KCNB2: variants seen among roughly 807,000 people sequenced by gnomAD.
KCNB2 encodes the protein delayed rectifier potassium channel protein.
In KCNB2, 15 loss-of-function variants were observed where a neutral mutation model predicts 61.5. The observed-to-expected ratio is 0.24, with a 90% CI of 0.16 to 0.38. The LOEUF (loss-of-function observed/expected upper bound fraction) is 0.38, where lower values mean the gene tolerates loss of function less well. KCNB2 is among the 10% of genes least tolerant of loss of function. KCNB2 has a pLI of 1.00. For missense variants in KCNB2, 828 were observed against 1,125.2 expected, an observed-to-expected ratio of 0.74 and a Z score of 3.78; for synonymous variants, 457 against 446.0, an observed-to-expected ratio of 1.02 and a Z score of -0.31.
intron 1 of KCNB2, among the ~76,000 whole-genome samples, chr8:72,561,747 GTATATATATATATGGA>G (rs1310077653): frequency 6.2e-5 from 1 of 16,060 alleles, no homozygotes; most frequent in Non-Finnish European, 1.0e-4. Flanking sequence ...ATATATATAT[GTATATATATATATGGA>G]TATATATATA....
Position 72,765,565 on chromosome 8 carries a change from A to C in KCNB2, c.580-170370A>C, listed in dbSNP as rs374824294. Among the ~76,000 whole-genome samples the C allele has an allele frequency of 7.2e-5, 11 of 152,330 alleles. No homozygotes were observed. In the South Asian group the frequency reaches 1.4e-3, roughly 20 times the overall value. On this transcript the variant is annotated intron_variant, in intron 2 of 2. Transcript: ENST00000523207. Reference sequence around the variant, plus strand: ...ATTTAAATTGTGTGTGTTGTCAGCAATTTTGAGGGTCAGAATAAGTTTAAT... The same window carrying C: ...ATTTAAATTGTGTGTGTTGTCAGCACTTTTGAGGGTCAGAATAAGTTTAAT...
intron 2 of KCNB2, among the ~76,000 whole-genome samples, chr8:72,624,408 C>A (rs1012786466): frequency 6.6e-6 from 1 of 152,168 alleles, no homozygotes; most frequent in Admixed American, 6.5e-5. Context: ...TGGGGAAGTA[C>A]TTTCTTCAAC....
chr8:72,604,945 C>A (rs1805421937), intron 2 of KCNB2, among the ~76,000 whole-genome samples: 1 of 152,202 alleles, frequency 6.6e-6, no homozygotes, highest in South Asian at 2.1e-4. Flanking sequence ...TCCATGACTG[C>A]ATCTTGATGC....
intron 2 of KCNB2, among the ~76,000 whole-genome samples, chr8:72,595,554 G>C (rs1807175992): frequency 6.6e-6 from 1 of 152,006 alleles, no homozygotes; most frequent in Non-Finnish European, 1.5e-5. Context: ...TCGAACTCCT[G>C]ACCTCGTGAT....
intron 2 of KCNB2, among the ~76,000 whole-genome samples, chr8:72,681,993 C>T (rs1806765048): frequency 6.6e-6 from 1 of 151,674 alleles, no homozygotes; most frequent in South Asian, 2.1e-4. Context: ...GTTTTCAAGT[C>T]TTTGACTTTG....
At chr8:72,561,480 G>T (rs1431080121) in intron 1 of KCNB2, among the ~76,000 whole-genome samples, 1 of 150,880 alleles carries the variant, frequency 6.6e-6, no homozygotes, top group East Asian at 1.9e-4. Flanking sequence ...GGAACAAAAT[G>T]ATATTAGCAG....
intron 2 of KCNB2, among the ~76,000 whole-genome samples, chr8:72,656,927 G>A (rs1245202732): frequency 6.6e-6 from 1 of 152,122 alleles, no homozygotes; most frequent in Non-Finnish European, 1.5e-5. Flanking sequence ...GAGACAGAAA[G>A]CTGATGGTTC....
At chr8:72,851,589 C>T (rs937484944) in intron 2 of KCNB2, among the ~76,000 whole-genome samples, 7 of 151,942 alleles carry the variant, frequency 4.6e-5, no homozygotes, top group Non-Finnish European at 8.8e-5. Flanking sequence ...ACGAACCCTT[C>T]GAGAACAGGC....
intron 2 of KCNB2, among the ~76,000 whole-genome samples, chr8:72,794,363 G>A (rs1186197335): frequency 9.2e-5 from 14 of 151,912 alleles, no homozygotes; most frequent in Admixed American, 7.9e-4. Flanking sequence ...TCAGGAGATC[G>A]AGACCATCTT....
chr8:72,700,380 T>A (rs968025185), intron 2 of KCNB2, among the ~76,000 whole-genome samples: 1 of 151,950 alleles, frequency 6.6e-6, no homozygotes, highest in Admixed American at 6.6e-5. Context: ...TTAATTAATT[T>A]AATTTAAAAA....
chr8:72,883,893 C>T (rs1805758169), intron 2 of KCNB2, among the ~76,000 whole-genome samples: 1 of 152,190 alleles, frequency 6.6e-6, no homozygotes, highest in South Asian at 2.1e-4. Context: ...ATGCATGTTA[C>T]TACATCTGTC....
intron 2 of KCNB2, among the ~76,000 whole-genome samples, chr8:72,859,706 CGTTTTTTTTTTTTTTT>C (rs1385094165): frequency 5.4e-5 from 4 of 73,442 alleles, no homozygotes; most frequent in Non-Finnish European, 7.3e-5. Context: ...TACTTCATTT[CGTTTTTTTTTTTTTTT>C]TTTTTTTTTT....
chr8:72,626,971 C>A (rs141088602), intron 2 of KCNB2, among the ~76,000 whole-genome samples: 1 of 152,152 alleles, frequency 6.6e-6, no homozygotes, highest in Non-Finnish European at 1.5e-5. Flanking sequence ...TAACTGGGGG[C>A]TCTAAGGGCT....
intron 2 of KCNB2, among the ~76,000 whole-genome samples, chr8:72,782,312 A>G (rs1224567998): frequency 6.6e-6 from 1 of 152,034 alleles, no homozygotes; most frequent in Non-Finnish European, 1.5e-5. Context: ...GGGTAAACGC[A>G]CCTGATAGCA....
chr8:72,538,399 G>A (rs528335383), intron 1 of KCNB2, among the ~76,000 whole-genome samples: 39 of 152,172 alleles, frequency 2.6e-4, no homozygotes, highest in African/African-American at 9.4e-4. Context: ...AGGGGACTTG[G>A]GAATACGTTT....
intron 2 of KCNB2, among the ~76,000 whole-genome samples, chr8:72,713,602 G>C (rs971361982): frequency 1.3e-5 from 2 of 152,220 alleles, no homozygotes; most frequent in African/African-American, 2.4e-5. Flanking sequence ...TGAGGGTCCT[G>C]ACTGTTAGAA....
intron 2 of KCNB2, among the ~76,000 whole-genome samples, chr8:72,814,785 A>G (rs556332699): frequency 6.6e-6 from 1 of 152,322 alleles, no homozygotes; most frequent in South Asian, 2.1e-4. Context: ...TGCACACCAT[A>G]GCTCTAATAA....
At chr8:72,713,059 G>A (rs999642881) in intron 2 of KCNB2, among the ~76,000 whole-genome samples, 5 of 152,198 alleles carry the variant, frequency 3.3e-5, no homozygotes, top group Non-Finnish European at 7.3e-5. Flanking sequence ...AGCCTCACTC[G>A]TTGCTAGCAC....
intron 2 of KCNB2, among the ~76,000 whole-genome samples, chr8:72,839,594 G>A (rs1252215717): frequency 7.3e-6 from 1 of 137,806 alleles, no homozygotes; most frequent in Non-Finnish European, 1.5e-5. Context: ...AACTTTGAAA[G>A]GCTTCTTTTT....
Sources: allele counts gnomAD v4.1 joint callset (sites outside exome capture counted in the v4.1 genomes callset), GRCh38; gene constraint gnomAD v4.1.1; transcripts MANE v1.5; gene names NCBI Gene and HGNC (gene_info 2026-07-23, HGNC 2026-07-21).